SEPHS1: variants seen among roughly 807,000 people sequenced by gnomAD.
The protein encoded by SEPHS1 is zincore component SEPHS1.
SEPHS1 carries 7 observed loss-of-function variants against 39.2 expected under a neutral mutation model. The ratio of observed to expected loss-of-function variants is 0.18; its 90% CI spans 0.10 to 0.34. The LOEUF is 0.34. Among genes scored for constraint, SEPHS1 ranks in the 10% least tolerant of loss-of-function variants. SEPHS1 has a pLI of 1.00. For missense variants in SEPHS1, 253 were observed against 514.5 expected, an observed-to-expected ratio of 0.49 and a Z score of 4.92; for synonymous variants, 190 against 195.5, an observed-to-expected ratio of 0.97 and a Z score of 0.23.
At chr10:13,337,610 A>G (rs1481010540) in intron 3 of SEPHS1, among the ~76,000 whole-genome samples, 1 of 152,202 alleles carries the variant, frequency 6.6e-6, no homozygotes, top group Non-Finnish European at 1.5e-5. Flanking sequence ...CCAGTCCACA[A>G]GGCCAACAGG....
rs112180695 is a variant in SEPHS1 at position 13,334,600 on chromosome 10, T to C, written c.406-629A>G. Among the ~76,000 whole-genome samples the C allele has an allele frequency of 4.4e-3, 675 of 151,740 alleles. 7 individuals are homozygous for C. Among genetic ancestry groups the C allele is most frequent in the African/African-American group, 0.015 (627 of 41,370 alleles). ...TGGCATGTGCCTGTGGTCCCAGCTA[T>C]TCCGGAGGCTGAAGTGGGAGGATGT... On this transcript the variant is annotated intron_variant, in intron 4 of 8. Coordinates refer to ENST00000327347, the MANE Select transcript of SEPHS1 (RefSeq NM_012247.5).
rs188335496 is a variant in SEPHS1, at chr10:13,321,409, C to T, written c.964+1426G>A. The stretch of plus-strand genomic sequence containing the variant: ...TTACAGGGCACACGCCACGACGCCC[C>T]GCTAATTTTTGTATTTTTAGTAGAG... On this transcript the variant is annotated intron_variant, in intron 8 of 8. Coordinates refer to ENST00000327347, the MANE Select transcript of SEPHS1 (RefSeq NM_012247.5). Among the ~76,000 whole-genome samples the T allele has an allele frequency of 3.0e-3, 462 of 152,074 alleles. 2 individuals carry two copies. Among genetic ancestry groups the T allele is most frequent in the Non-Finnish European group, 5.1e-3 (346 of 67,988 alleles).
At chr10:13,323,144 G>C in intron 7 of SEPHS1, 97 bp from the exon 8 acceptor site, 1 of 934,658 alleles carries the variant, frequency 1.1e-6, no homozygotes, top group Non-Finnish European at 1.7e-6. Context: ...ACTTGTCAGG[G>C]AGATGACGTA....
intron 7 of SEPHS1, among the ~76,000 whole-genome samples, chr10:13,323,716 C>T (rs748657499): frequency 5.3e-5 from 8 of 151,738 alleles, no homozygotes; most frequent in East Asian, 1.9e-4. Flanking sequence ...AGGTGAATTG[C>T]GTGCAAGTTT....
chr10:13,327,240 C>CAAAAAAAAAA (rs34788028), intron 7 of SEPHS1, among the ~76,000 whole-genome samples: 4 of 82,800 alleles, frequency 4.8e-5, no homozygotes, highest in African/African-American at 2.1e-4. Context: ...GATTCTGTCT[C>CAAAAAAAAAA]AAAAAAAAAA....
intron 4 of SEPHS1, among the ~76,000 whole-genome samples, chr10:13,335,707 C>T (rs1158952622): frequency 4.0e-5 from 6 of 149,958 alleles, no homozygotes; most frequent in African/African-American, 1.5e-4. Context: ...GGGCCGGGCA[C>T]GGTGTTTCAC....
chr10:13,343,348 T>G (rs1030365053), intron 2 of SEPHS1, among the ~76,000 whole-genome samples: 1 of 152,042 alleles, frequency 6.6e-6, no homozygotes, highest in Non-Finnish European at 1.5e-5. Context: ...GCAGGAACTG[T>G]TTTCAAACTG....
chr10:13,328,133 G>A (rs1211545338), intron 7 of SEPHS1, among the ~76,000 whole-genome samples: 1 of 152,174 alleles, frequency 6.6e-6, no homozygotes, highest in Admixed American at 6.5e-5. Flanking sequence ...CCTCTGGTAT[G>A]TCAGAAGTTA....
At chr10:13,344,692 C>A (rs1833878280) in intron 2 of SEPHS1, 66 bp downstream of exon 2, 3 of 1,187,308 alleles carry the variant, frequency 2.5e-6, no homozygotes, top group African/African-American at 1.6e-5. Flanking sequence ...ACATGGGAGG[C>A]GAGAAATCCA....
In SEPHS1 at chr10:13,319,192, G is replaced by A; in HGVS notation, c.1129C>T (p.Pro377Ser). The change falls in exon 9 of 9, where the codon CCA becomes TCA. Residue 377 changes from proline (P) to serine (S), a missense_variant. This residue lies in a region of SEPHS1 where 19 missense variants were observed against 26.1 expected (regional missense o/e 0.73). Transcript: ENST00000327347. ...IDKPRIIEVA[P>S]QVATQNVNPT... The stretch of plus-strand genomic sequence containing the variant: ...TTCACATTTTGAGTGGCCACTTGTG[G>A]TGCGACCTCGATGATCCGGGGTTTG... The A allele has an allele frequency of 6.2e-7, 1 of 1,613,814 alleles. No homozygotes were observed. The highest frequency in any genetic ancestry group is 8.5e-7 in the Non-Finnish European group (1 of 1,179,826).
intron 8 of SEPHS1, among the ~76,000 whole-genome samples, chr10:13,320,936 T>A (rs943922595): frequency 6.6e-6 from 1 of 152,226 alleles, no homozygotes; most frequent in African/African-American, 2.4e-5. Context: ...TGGCAGACAC[T>A]GTCCTGGCCA....
At chr10:13,335,454 A>C (rs957297196) in intron 4 of SEPHS1, among the ~76,000 whole-genome samples, 5 of 149,628 alleles carry the variant, frequency 3.3e-5, no homozygotes, top group Non-Finnish European at 7.4e-5. Flanking sequence ...TCACGAGCTC[A>C]GGAGTTCGAG....
At chr10:13,337,446 C>T (rs1402391859) in intron 3 of SEPHS1, among the ~76,000 whole-genome samples, 4 of 152,120 alleles carry the variant, frequency 2.6e-5, no homozygotes, top group Admixed American at 2.0e-4. Context: ...AGAGAAAATA[C>T]AAATTTTCCT....
At chr10:13,335,661 C>G (rs1238776362) in intron 4 of SEPHS1, among the ~76,000 whole-genome samples, 1 of 125,368 alleles carries the variant, frequency 8.0e-6, no homozygotes. Flanking sequence ...GAGACTCTGT[C>G]TCAATAAAAC....
intron 7 of SEPHS1, 48 bp downstream of exon 7, chr10:13,328,303 T>A: frequency 7.8e-7 from 1 of 1,289,808 alleles, no homozygotes; most frequent in Non-Finnish European, 1.1e-6. Flanking sequence ...CTAAGACATT[T>A]ACTGTCTTGG....
At chr10:13,346,430 A>T (rs1564455792) in intron 1 of SEPHS1, among the ~76,000 whole-genome samples, 1 of 152,230 alleles carries the variant, frequency 6.6e-6, no homozygotes, top group Non-Finnish European at 1.5e-5. Flanking sequence ...GAGTTTGGGC[A>T]GTAATCCAAA....
chr10:13,344,080 A>C (rs1833865168), intron 2 of SEPHS1, among the ~76,000 whole-genome samples: 1 of 152,170 alleles, frequency 6.6e-6, no homozygotes, highest in Admixed American at 6.5e-5. Flanking sequence ...CCTGGGGTCA[A>C]GAACAGATCC....
intron 7 of SEPHS1, 98 bp downstream of exon 7, chr10:13,328,253 T>G: frequency 1.3e-6 from 1 of 796,432 alleles, no homozygotes; most frequent in South Asian, 1.7e-5. Flanking sequence ...TGGCCAAAAA[T>G]CTGGCCACCT....
chr10:13,341,678 C>T (rs975896882), intron 2 of SEPHS1, among the ~76,000 whole-genome samples: 1 of 152,004 alleles, frequency 6.6e-6, no homozygotes. Flanking sequence ...ATAAACAGGC[C>T]GGGCGCGGGG....
Sources: gnomAD v4.1 joint callset for allele counts (sites outside exome capture counted in the v4.1 genomes callset) on GRCh38, gnomAD v4.1.1 for gene constraint, gnomAD v4.1.1 regional missense constraint, MANE v1.5 for transcripts, NCBI Gene and HGNC (gene_info 2026-07-23, HGNC 2026-07-21) for gene names.